Variants in AFG2B observed in about 807,000 individuals in gnomAD.
The protein encoded by AFG2B is AAA ATPase AFG2B.
the AFG2B span, among the ~76,000 whole-genome samples, chr15:45,414,055 G>A: frequency 1.2e-4 from 18 of 152,266 alleles, no homozygotes; most frequent in East Asian, 5.8e-4. Flanking sequence ...CAAACCCAAC[G>A]TGGAAAAATA....
At chr15:45,412,651 T>G in the AFG2B span, among the ~76,000 whole-genome samples, 1 of 152,208 alleles carries the variant, frequency 6.6e-6, no homozygotes, top group South Asian at 2.1e-4. Context: ...CATTTACAAA[T>G]GTAAAAACTA....
At chr15:45,417,752 A>G in the AFG2B span, 1 of 175,586 alleles carries the variant, frequency 5.7e-6, no homozygotes, top group African/African-American at 2.4e-5. Flanking sequence ...TACAGAGATT[A>G]TGCAGTGTAT....
chr15:45,410,530 G>C, the AFG2B span: 5 of 1,598,642 alleles, frequency 3.1e-6, no homozygotes, highest in African/African-American at 1.3e-5. Context: ...AGTTAAAACA[G>C]GTAAGACAGA....
At chr15:45,410,267 A>G in the AFG2B span, 1 of 1,299,544 alleles carries the variant, frequency 7.7e-7, no homozygotes, top group Non-Finnish European at 1.1e-6. Flanking sequence ...TGATAACAAA[A>G]TAACTTTACA....
chr15:45,411,632 T>A, the AFG2B span, among the ~76,000 whole-genome samples: 295 of 152,210 alleles, frequency 1.9e-3, 7 homozygotes, highest in Admixed American at 2.2e-3. Flanking sequence ...AAAATTTTTT[T>A]AAATTAGCCA....
chr15:45,406,988 G>A, the AFG2B span: 1 of 1,274,030 alleles, frequency 7.8e-7, no homozygotes, highest in South Asian at 1.2e-5. Flanking sequence ...AGCAGGAGAT[G>A]GGAAGGGAGA....
the AFG2B span, chr15:45,415,984 G>A: frequency 2.4e-6 from 1 of 409,690 alleles, no homozygotes; most frequent in South Asian, 6.0e-5. Flanking sequence ...GAAAGGTGAG[G>A]TACATTTTAT....
At chr15:45,407,760 A>G in the AFG2B span, among the ~76,000 whole-genome samples, 1 of 152,212 alleles carries the variant, frequency 6.6e-6, no homozygotes, top group South Asian at 2.1e-4. Flanking sequence ...TTTGTGGACA[A>G]CTAGATGTTT....
the AFG2B span, among the ~76,000 whole-genome samples, chr15:45,413,948 G>A: frequency 6.6e-6 from 1 of 152,088 alleles, no homozygotes; most frequent in African/African-American, 2.4e-5. Context: ...TTCATTATTC[G>A]GTTTACTGTT....
chr15:45,415,436 T>G, the AFG2B span: 3 of 626,692 alleles, frequency 4.8e-6, no homozygotes, highest in Non-Finnish European at 7.9e-6. Context: ...AGGCAGAAGT[T>G]GCAGTGAGCT....
the AFG2B span, among the ~76,000 whole-genome samples, chr15:45,406,613 A>G: frequency 1.5e-3 from 225 of 152,356 alleles, 2 homozygotes; most frequent in African/African-American, 5.1e-3. Flanking sequence ...AGTATTTTGT[A>G]TATAATAAAT....
At chr15:45,403,023 C>G in the AFG2B span, 5 of 1,580,482 alleles carry the variant, frequency 3.2e-6, no homozygotes, top group African/African-American at 1.4e-5. Context: ...AGCCGCAGCC[C>G]GAGGTGCCCC....
chr15:45,412,767 A>G, the AFG2B span, among the ~76,000 whole-genome samples: 5 of 152,236 alleles, frequency 3.3e-5, no homozygotes, highest in Non-Finnish European at 5.9e-5. Context: ...GTAAAAGCAC[A>G]AAATTGAAAT....
chr15:45,420,115 G>A, the AFG2B span, among the ~76,000 whole-genome samples: 1 of 151,554 alleles, frequency 6.6e-6, no homozygotes, highest in African/African-American at 2.4e-5. Flanking sequence ...TGTGGCATAT[G>A]TTATTTTCTG....
the AFG2B span, chr15:45,417,690 G>A: frequency 3.6e-6 from 1 of 280,126 alleles, no homozygotes; most frequent in Non-Finnish European, 6.9e-6. Context: ...GTGTTAAAAG[G>A]GCTTTGAAGA....
At chr15:45,410,019 C>T in the AFG2B span, among the ~76,000 whole-genome samples, 2 of 152,184 alleles carry the variant, frequency 1.3e-5, no homozygotes, top group East Asian at 3.9e-4. Flanking sequence ...AAAAGAATGA[C>T]GTAGAACTGT....
chr15:45,414,681 G>C, the AFG2B span: 1 of 1,614,076 alleles, frequency 6.2e-7, no homozygotes, highest in Non-Finnish European at 8.5e-7. Flanking sequence ...CCACTCTGGT[G>C]AGGGCCCTGG....
At chr15:45,402,894 C>T in the AFG2B span, 93 of 1,598,330 alleles carry the variant, frequency 5.8e-5, 2 homozygotes, top group South Asian at 9.6e-4. Context: ...CTCCGCCAGG[C>T]GCTCCTGGCC....
At chr15:45,408,805 A>G in the AFG2B span, among the ~76,000 whole-genome samples, 1 of 152,274 alleles carries the variant, frequency 6.6e-6, no homozygotes, top group Admixed American at 6.5e-5. Context: ...TGATCACTTG[A>G]GCCCAGGTGT....
Sources: allele counts gnomAD v4.1 joint callset (sites outside exome capture counted in the v4.1 genomes callset), GRCh38; gene constraint gnomAD v4.1.1; transcripts MANE v1.5; gene names NCBI Gene and HGNC (gene_info 2026-07-23, HGNC 2026-07-21).